The following DOCK9 variants were observed in gnomAD, a reference collection of about 807,000 sequenced individuals.
DOCK9 encodes the protein dedicator of cytokinesis protein 9.
Under a neutral mutation model 263.3 loss-of-function variants are expected in DOCK9, and 89 were observed. The observed-to-expected ratio is 0.34, with a 90% CI of 0.28 to 0.40. The LOEUF (loss-of-function observed/expected upper bound fraction) is 0.40, where lower values mean the gene tolerates loss of function less well. Among genes scored for constraint, DOCK9 ranks in the 10% least tolerant of loss-of-function variants. DOCK9 has a pLI of 1.00. For missense variants in DOCK9, 2,140 were observed against 2,603.4 expected (o/e 0.82, Z 3.87); for synonymous variants, 976 against 973.1 (o/e 1.00, Z -0.06).
intron 1 of DOCK9, among the ~76,000 whole-genome samples, chr13:99,011,581 G>A (rs1462362055): frequency 6.6e-6 from 1 of 152,102 alleles, no homozygotes. Flanking sequence ...AAACAGAAAT[G>A]ACAATGATTA....
intron 3 of DOCK9, among the ~76,000 whole-genome samples, 189 bp from the exon 4 acceptor site, chr13:98,926,108 C>T (rs1186266734): frequency 6.6e-6 from 1 of 152,190 alleles, no homozygotes; most frequent in African/African-American, 2.4e-5. Flanking sequence ...ACCACTGAAA[C>T]ATTACCCTTG....
Position 98,863,477 on chromosome 13 carries a change from C to G in DOCK9, c.3358G>C (p.Glu1120Gln). The G allele has an allele frequency of 6.2e-7, 1 of 1,613,948 alleles. No individual in the cohort carries two copies. Among genetic ancestry groups the G allele is most frequent in the East Asian group, 2.2e-5 (1 of 44,880 alleles). The change falls in exon 31 of 53, where the codon GAG (glutamate) becomes CAG (glutamine). Residue 1120 changes from glutamate to glutamine, a missense_variant. By Grantham distance (29) the Glu-to-Gln change is conservative (BLOSUM62 2). Coordinates refer to ENST00000682017, the MANE Select transcript of DOCK9 (RefSeq NM_001366683.2). Reference sequence around the variant, plus strand: ...AACTCCTGGAGGGCTGTCCCCACCTCCCTCAGTAACAGTCCCACCAAGAAG... The same window carrying G: ...AACTCCTGGAGGGCTGTCCCCACCTGCCTCAGTAACAGTCCCACCAAGAAG... ...NHFLVGLLLREVGTALQEFRE... is the reference protein window; with the variant it reads ...NHFLVGLLLRQVGTALQEFRE...
intron 43 of DOCK9, among the ~76,000 whole-genome samples, chr13:98,828,807 A>G (rs2092647299): frequency 6.6e-6 from 1 of 152,202 alleles, no homozygotes; most frequent in Non-Finnish European, 1.5e-5. Context: ...TCAAAGTCCA[A>G]TATTACTTGT....
chr13:98,918,545 C>A (rs1469025412), intron 7 of DOCK9, among the ~76,000 whole-genome samples: 5 of 152,020 alleles, frequency 3.3e-5, no homozygotes, highest in African/African-American at 4.8e-5. Flanking sequence ...AAAGAGAAGA[C>A]CACAAAGAAC....
rs752664156 is a variant in DOCK9, at chr13:98,977,947, G to C, written c.-38C>G. 3.0e-5 allele frequency: 47 copies of C among 1,545,704 alleles called. No individual in the cohort carries two copies. The Admixed American group carries it at 8.2e-4, about 27-fold the overall frequency. ...ACGCAAGTCAGAAAGTCTGCAACTG[G>C]AACAGCTGCGAGTCCCTGGCCGTGC... On this transcript the variant is annotated 5_prime_UTR_variant, in exon 1 of 53. Transcript: ENST00000682017.
At chr13:98,950,605 A>T (rs1489052342) in intron 2 of DOCK9, among the ~76,000 whole-genome samples, 7 of 152,212 alleles carry the variant, frequency 4.6e-5, no homozygotes, top group Non-Finnish European at 1.0e-4. Flanking sequence ...ACCCGGCCCA[A>T]CACGCTCTTT....
chr13:99,020,528 C>CA (rs1885970172), intron 1 of DOCK9, among the ~76,000 whole-genome samples: 1 of 152,220 alleles, frequency 6.6e-6, no homozygotes, highest in Non-Finnish European at 1.5e-5. Context: ...CCATAGCTAA[C>CA]AGGTCCCAAG....
At chr13:98,880,394 A>G (rs1436006491) in intron 26 of DOCK9, among the ~76,000 whole-genome samples, 153 bp downstream of exon 26, 1 of 152,074 alleles carries the variant, frequency 6.6e-6, no homozygotes, top group Non-Finnish European at 1.5e-5. Context: ...CTCTCAAGAC[A>G]CAATTAGAAA....
chr13:98,952,114 T>C (rs1040626465), intron 2 of DOCK9, among the ~76,000 whole-genome samples: 1 of 151,642 alleles, frequency 6.6e-6, no homozygotes, highest in African/African-American at 2.4e-5. Context: ...GCCAGGCTGG[T>C]CTCAAACACC....
At chr13:98,893,837 A>G (rs1244841353) in intron 15 of DOCK9, among the ~76,000 whole-genome samples, 3 of 152,200 alleles carry the variant, frequency 2.0e-5, no homozygotes, top group Non-Finnish European at 1.5e-5. Flanking sequence ...AGTGGGCACC[A>G]AAGTTTCTTT....
At chr13:98,932,797 T>A (rs2054176431) in intron 2 of DOCK9, among the ~76,000 whole-genome samples, 1 of 152,158 alleles carries the variant, frequency 6.6e-6, no homozygotes, top group African/African-American at 2.4e-5. Flanking sequence ...GTGGAAGAAA[T>A]GAATTCTGTT....
chr13:99,033,886 T>C (rs1240154092), intron 1 of DOCK9, among the ~76,000 whole-genome samples: 1 of 152,166 alleles, frequency 6.6e-6, no homozygotes, highest in Non-Finnish European at 1.5e-5. Context: ...GTTTTATATT[T>C]AGAGAGGAAA....
intron 39 of DOCK9, among the ~76,000 whole-genome samples, chr13:98,836,979 A>C (rs997963087): frequency 5.9e-5 from 9 of 151,988 alleles, no homozygotes; most frequent in African/African-American, 2.2e-4. Flanking sequence ...ATCTCCACCT[A>C]CTTGAATATT....
intron 27 of DOCK9, among the ~76,000 whole-genome samples, chr13:98,868,705 A>G (rs56984573): frequency 0.061 from 9,210 of 152,228 alleles, 711 homozygotes; most frequent in African/African-American, 0.17. Flanking sequence ...CAGTGAGCCA[A>G]GATCAGCCAC....
intron 18 of DOCK9, among the ~76,000 whole-genome samples, chr13:98,887,125 T>TTATATATA (rs1160298057): frequency 5.4e-4 from 55 of 102,496 alleles, no homozygotes; most frequent in African/African-American, 2.0e-3. Context: ...ATACTATATT[T>TTATATATA]TATATATATA....
chr13:98,992,073 T>C (rs541977739), intron 1 of DOCK9, among the ~76,000 whole-genome samples: 1 of 150,928 alleles, frequency 6.6e-6, no homozygotes, highest in African/African-American at 2.4e-5. Context: ...GAAATAAAAC[T>C]GTACAGTGTG....
At chr13:99,082,786 AATT>A (rs1407251246) in intron 1 of DOCK9, among the ~76,000 whole-genome samples, 1 of 152,164 alleles carries the variant, frequency 6.6e-6, no homozygotes, top group Non-Finnish European at 1.5e-5. Flanking sequence ...AGGAAAGCAT[AATT>A]ATTATCTCCA....
At chr13:98,925,105 AGT>A (rs770170590) in intron 4 of DOCK9, among the ~76,000 whole-genome samples, 5 of 152,160 alleles carry the variant, frequency 3.3e-5, no homozygotes, top group Non-Finnish European at 7.3e-5. Flanking sequence ...TGGAGGTTGC[AGT>A]GAGCAGAGAT....
chr13:98,873,168 T>C (rs1353511052), intron 27 of DOCK9, among the ~76,000 whole-genome samples: 1 of 152,200 alleles, frequency 6.6e-6, no homozygotes, highest in Non-Finnish European at 1.5e-5. Flanking sequence ...CTGAGCGCCT[T>C]CCCATTTTCC....
Sources: allele counts gnomAD v4.1 joint callset (sites outside exome capture counted in the v4.1 genomes callset), GRCh38; gene constraint gnomAD v4.1.1; transcripts MANE v1.5; gene names NCBI Gene and HGNC (gene_info 2026-07-23, HGNC 2026-07-21).